The following DLG2 variants were observed in gnomAD, a reference collection of about 807,000 sequenced individuals.
DLG2 encodes disks large homolog 2.
Under a neutral mutation model 132.5 loss-of-function variants are expected in DLG2, and 45 were observed. That is an observed-to-expected ratio of 0.34 (90% CI 0.27 to 0.44). The LOEUF is 0.44. Ranked by LOEUF, DLG2 falls within the 20% of genes least tolerant of loss-of-function variation. The pLI, the probability that DLG2 is intolerant of heterozygous loss-of-function variation, is 1.00. For missense variants in DLG2, 1,045 were observed against 1,196.9 expected, an observed-to-expected ratio of 0.87 and a Z score of 1.87; for synonymous variants, 424 against 419.6, an observed-to-expected ratio of 1.01 and a Z score of -0.13.
chr11:83,845,356 C>G (rs2058415351), intron 16 of DLG2, among the ~76,000 whole-genome samples: 1 of 152,176 alleles, frequency 6.6e-6, no homozygotes, highest in African/African-American at 2.4e-5. Context: ...CAGAAGGCTT[C>G]AAAGCTGCTG....
intron 18 of DLG2, among the ~76,000 whole-genome samples, chr11:83,654,188 A>G (rs1382046059): frequency 6.6e-6 from 1 of 152,150 alleles, no homozygotes; most frequent in African/African-American, 2.4e-5. Context: ...CCCCCATACA[A>G]GATAAAACTT....
intron 6 of DLG2, among the ~76,000 whole-genome samples, chr11:84,584,892 T>G (rs1205384919): frequency 6.6e-6 from 1 of 151,092 alleles, no homozygotes; most frequent in African/African-American, 2.4e-5. Context: ...GTTTCACCGT[T>G]TTAGTCGGGA....
At chr11:83,690,321 A>C (rs1284380677) in intron 18 of DLG2, among the ~76,000 whole-genome samples, 1 of 151,476 alleles carries the variant, frequency 6.6e-6, no homozygotes, top group Non-Finnish European at 1.5e-5. Flanking sequence ...AAGAAGCAAC[A>C]CTGGGACAAT....
At chr11:85,035,848 T>C (rs145729312) in intron 6 of DLG2, among the ~76,000 whole-genome samples, 106 of 152,340 alleles carry the variant, frequency 7.0e-4, no homozygotes, top group African/African-American at 2.5e-3. Context: ...TGAGTTATGA[T>C]AACCCCCACC....
chr11:84,117,594 G>A (rs2093695587), intron 9 of DLG2, among the ~76,000 whole-genome samples: 1 of 152,134 alleles, frequency 6.6e-6, no homozygotes, highest in African/African-American at 2.4e-5. Flanking sequence ...AGGCTTGTGT[G>A]ACTCACCAGT....
intron 3 of DLG2, among the ~76,000 whole-genome samples, chr11:85,319,708 ACCATT>A (rs1490575492): frequency 6.6e-6 from 1 of 151,874 alleles, no homozygotes; most frequent in Non-Finnish European, 1.5e-5. Context: ...TCACTGAGGC[ACCATT>A]CCTGGAGAAT....
At chr11:85,044,668 A>C (rs2062167188) in intron 6 of DLG2, among the ~76,000 whole-genome samples, 1 of 152,000 alleles carries the variant, frequency 6.6e-6, no homozygotes, top group African/African-American at 2.4e-5. Context: ...GTTTTAAATC[A>C]CTGCTTAAAC....
At chr11:84,348,581 A>C (rs2098549095) in intron 7 of DLG2, among the ~76,000 whole-genome samples, 9 of 152,198 alleles carry the variant, frequency 5.9e-5, no homozygotes, top group Admixed American at 4.6e-4. Flanking sequence ...CTAATAATGA[A>C]TGTTTTCCAT....
At chr11:83,585,331 G>A (rs117228538) in intron 19 of DLG2, among the ~76,000 whole-genome samples, 2 of 152,252 alleles carry the variant, frequency 1.3e-5, no homozygotes, top group East Asian at 3.9e-4. Context: ...GCCAGGGAAT[G>A]TACCATACAA....
intron 18 of DLG2, among the ~76,000 whole-genome samples, chr11:83,664,659 T>G (rs2075130717): frequency 6.6e-6 from 1 of 152,164 alleles, no homozygotes; most frequent in African/African-American, 2.4e-5. Flanking sequence ...AGATGCTCAA[T>G]GAATATTTGT....
chr11:84,830,248 G>C (rs1178486620), intron 6 of DLG2, among the ~76,000 whole-genome samples: 1 of 151,454 alleles, frequency 6.6e-6, no homozygotes, highest in African/African-American at 2.4e-5. Flanking sequence ...GTATGAATGA[G>C]GCTTAACTAT....
At position 85,568,898 on chromosome 11, in the gene DLG2, C is replaced by T. The variant is rs1006150673; in HGVS notation, c.40+29759G>A. On this transcript the variant is annotated intron_variant, in intron 3 of 27. Transcript: ENST00000376104. Reference sequence around the variant, plus strand: ...TTCTCTCTGTTGTATTTCTATTTCCCGTTCTGTTTATCACCACTCTAATCT... The same window carrying T: ...TTCTCTCTGTTGTATTTCTATTTCCTGTTCTGTTTATCACCACTCTAATCT... Among the ~76,000 whole-genome samples, 42 of 151,998 alleles carry T rather than the reference C, an allele frequency of 2.8e-4. 1 individual carries two copies. The highest frequency in any genetic ancestry group is 5.9e-5 in the Non-Finnish European group (4 of 67,996).
At chr11:84,676,128 T>C (rs935805307) in intron 6 of DLG2, among the ~76,000 whole-genome samples, 2 of 152,072 alleles carry the variant, frequency 1.3e-5, no homozygotes, top group African/African-American at 2.4e-5. Flanking sequence ...TGATACAGTT[T>C]CCAGAATAAA....
intron 4 of DLG2, among the ~76,000 whole-genome samples, chr11:85,161,873 C>T (rs1337397419): frequency 6.6e-6 from 1 of 152,174 alleles, no homozygotes; most frequent in Admixed American, 6.5e-5. Context: ...ATGTATGCTA[C>T]TATTTCTCCC....
intron 6 of DLG2, among the ~76,000 whole-genome samples, chr11:84,837,955 G>A (rs567734283): frequency 1.3e-5 from 2 of 151,876 alleles, no homozygotes; most frequent in South Asian, 4.2e-4. Flanking sequence ...AACTCAGTCA[G>A]AGCTTGTGCC....
chr11:84,597,385 A>T (rs193221011), intron 6 of DLG2, among the ~76,000 whole-genome samples: 1 of 152,010 alleles, frequency 6.6e-6, no homozygotes, highest in African/African-American at 2.4e-5. Flanking sequence ...TAGACAGACT[A>T]TTTTTTTTCC....
At chr11:84,848,524 G>T (rs563183119) in intron 6 of DLG2, among the ~76,000 whole-genome samples, 1 of 151,878 alleles carries the variant, frequency 6.6e-6, no homozygotes, top group Non-Finnish European at 1.5e-5. Context: ...AAAAGCCAGA[G>T]AATGCTATGT....
At chr11:84,517,368 A>G (rs997679336) in intron 7 of DLG2, among the ~76,000 whole-genome samples, 11 of 152,054 alleles carry the variant, frequency 7.2e-5, no homozygotes, top group Admixed American at 5.9e-4. Context: ...GAGAAGACAT[A>G]CAAATGGCCA....
chr11:84,631,470 C>T (rs560727329), intron 6 of DLG2, among the ~76,000 whole-genome samples: 19 of 152,140 alleles, frequency 1.2e-4, no homozygotes, highest in African/African-American at 4.6e-4. Context: ...CACACAATAG[C>T]AATACAATGT....
Sources: allele counts gnomAD v4.1 joint callset (sites outside exome capture counted in the v4.1 genomes callset), GRCh38; gene constraint gnomAD v4.1.1; transcripts MANE v1.5; gene names NCBI Gene and HGNC (gene_info 2026-07-23, HGNC 2026-07-21).